The following CDH12 variants were observed in gnomAD, a reference collection of about 807,000 sequenced individuals.
CDH12 encodes cadherin 12.
In CDH12, 41 loss-of-function variants were observed where a neutral mutation model predicts 74.1. That is an observed-to-expected ratio of 0.55 (90% CI 0.43 to 0.72). CDH12 has a LOEUF of 0.72. Ranked by LOEUF, CDH12 falls within the 30% of genes least tolerant of loss-of-function variation. The pLI is 0.00. For synonymous variants in CDH12, 399 were observed against 355.0 expected, an observed-to-expected ratio of 1.12 and a Z score of -1.39; for missense variants, 945 against 977.2, an observed-to-expected ratio of 0.97 and a Z score of 0.44.
intron 5 of CDH12, among the ~76,000 whole-genome samples, chr5:22,035,577 A>C (rs1038188161): frequency 2.0e-5 from 3 of 152,120 alleles, no homozygotes; most frequent in Non-Finnish European, 2.9e-5. Context: ...TCAATTACCA[A>C]GAGAAATTTT....
rs1256794399 is a variant in CDH12, at chr5:22,138,875, T to TATATATATATATAC, written c.-186-60014_-186-60013insGTATATATATATAT. 1.0e-4 allele frequency among the ~76,000 whole-genome samples: 14 copies of TATATATATATATAC among 137,690 alleles called. 1 individual carries two copies. Among genetic ancestry groups the TATATATATATATAC allele is most frequent in the African/African-American group, 2.7e-4 (10 of 37,538 alleles). 90.3% of individuals were successfully genotyped at this position (137,690 alleles called of 152,430 possible). ...ATATATATATATATATATATATATA[T>TATATATATATATAC]ACATGTTGGACTCATCGATGTACAT... is the stretch of plus-strand genomic sequence containing the variant. On this transcript the variant is annotated intron_variant, in intron 4 of 14. Transcript: ENST00000382254.
intron 6 of CDH12, among the ~76,000 whole-genome samples, chr5:21,880,137 T>A (rs185160480): frequency 3.9e-4 from 59 of 152,316 alleles, no homozygotes; most frequent in African/African-American, 1.3e-3. Context: ...GTACTGAACC[T>A]GGGGCCACAT....
chr5:22,064,831 T>G lies in CDH12; in HGVS notation c.231+13615A>C, dbSNP rs574084777. ...CTGTCTGCCCTGAAAAAGACCCTTATGTCTTGTATTGACAGACGTGAGATT... is the reference window on the plus strand; with the variant it reads ...CTGTCTGCCCTGAAAAAGACCCTTAGGTCTTGTATTGACAGACGTGAGATT... On this transcript the variant is annotated intron_variant, in intron 5 of 14. Coordinates refer to ENST00000382254, the MANE Select transcript of CDH12 (RefSeq NM_004061.5). 8.5e-5 allele frequency among the ~76,000 whole-genome samples: 13 copies of G among 152,280 alleles called. No individual in the cohort carries two copies. In the South Asian group the frequency reaches 2.7e-3, roughly 32 times the overall value.
intron 3 of CDH12, among the ~76,000 whole-genome samples, chr5:22,291,626 A>C (rs146309663): frequency 6.6e-6 from 1 of 152,278 alleles, no homozygotes; most frequent in Non-Finnish European, 1.5e-5. Context: ...AACATGAAAT[A>C]ATTGAATTTA....
At chr5:22,373,633 T>C (rs973853261) in intron 3 of CDH12, among the ~76,000 whole-genome samples, 1 of 152,144 alleles carries the variant, frequency 6.6e-6, no homozygotes, top group African/African-American at 2.4e-5. Context: ...CAGTCTCCAC[T>C]CATAAATGCT....
At chr5:22,091,928 T>C in intron 4 of CDH12, among the ~76,000 whole-genome samples, 1 of 151,658 alleles carries the variant, frequency 6.6e-6, no homozygotes, top group Non-Finnish European at 1.5e-5. Context: ...TTGCATATGG[T>C]GGCAGTGGAG....
intron 6 of CDH12, among the ~76,000 whole-genome samples, chr5:21,920,667 T>TATTATAATAATA (rs149078574): frequency 7.6e-4 from 111 of 145,544 alleles, no homozygotes; most frequent in African/African-American, 2.6e-3. Context: ...GAACTTAAAG[T>TATTATAATAATA]ATGATAATAA....
rs192554128 is a variant in CDH12 at position 22,011,209 on chromosome 5, A to G, written c.232-35824T>C. Among the ~76,000 whole-genome samples, 527 of 152,202 alleles carry G rather than the reference A, an allele frequency of 3.5e-3. 1 individual carries two copies. Among genetic ancestry groups the G allele is most frequent in the African/African-American group, 0.012 (512 of 41,540 alleles). Reference sequence around the variant, plus strand: ...CAGCCATTTTCTCTGGATACTGGAAATTCTTCCTGTAATGAAGCCAGACCT... The same window carrying G: ...CAGCCATTTTCTCTGGATACTGGAAGTTCTTCCTGTAATGAAGCCAGACCT... On this transcript the variant is annotated intron_variant, in intron 5 of 14. Transcript: ENST00000382254.
intron 3 of CDH12, among the ~76,000 whole-genome samples, chr5:22,355,521 A>T (rs77234770): frequency 1.6e-3 from 120 of 74,128 alleles, no homozygotes; most frequent in Admixed American, 8.3e-3. Context: ...CCTTAAAAAA[A>T]AAATATATAT....
intron 1 of CDH12, among the ~76,000 whole-genome samples, chr5:22,559,514 A>C (rs560663059): frequency 6.6e-6 from 1 of 152,096 alleles, no homozygotes; most frequent in Non-Finnish European, 1.5e-5. Context: ...ATTTTGGAAG[A>C]GTGCTATGAA....
intron 4 of CDH12, among the ~76,000 whole-genome samples, chr5:22,127,883 A>T (rs1002801261): frequency 5.9e-5 from 9 of 151,986 alleles, no homozygotes; most frequent in Non-Finnish European, 1.3e-4. Context: ...TATGTGTCTG[A>T]ATATTGGTTT....
At chr5:22,063,493 T>C (rs1291887491) in intron 5 of CDH12, among the ~76,000 whole-genome samples, 1 of 152,130 alleles carries the variant, frequency 6.6e-6, no homozygotes, top group African/African-American at 2.4e-5. Context: ...ACATTGCTGA[T>C]TGGTTCTACC....
chr5:22,317,643 T>C (rs747105138), intron 3 of CDH12, among the ~76,000 whole-genome samples: 4 of 152,196 alleles, frequency 2.6e-5, no homozygotes, highest in Non-Finnish European at 5.9e-5. Flanking sequence ...AAGTTCTATA[T>C]ACATATTTTA....
At chr5:22,519,766 T>C (rs1198965483) in intron 1 of CDH12, among the ~76,000 whole-genome samples, 4 of 152,166 alleles carry the variant, frequency 2.6e-5, no homozygotes, top group African/African-American at 9.7e-5. Context: ...AGCTGAACAA[T>C]ACTGTTCAGA....
intron 1 of CDH12, among the ~76,000 whole-genome samples, chr5:22,709,132 A>G (rs1743168325): frequency 6.6e-6 from 1 of 152,232 alleles, no homozygotes; most frequent in African/African-American, 2.4e-5. Flanking sequence ...CAGGACCTGT[A>G]GGGTGACGGG....
At chr5:21,888,114 G>A (rs1353559458) in intron 6 of CDH12, among the ~76,000 whole-genome samples, 1 of 152,060 alleles carries the variant, frequency 6.6e-6, no homozygotes, top group Non-Finnish European at 1.5e-5. Flanking sequence ...TAACATGCAG[G>A]CAAAAAATTT....
chr5:22,271,490 C>T (rs557268912), intron 3 of CDH12, among the ~76,000 whole-genome samples: 1 of 152,262 alleles, frequency 6.6e-6, no homozygotes, highest in South Asian at 2.1e-4. Context: ...GATATTTTGA[C>T]CTACTTCCAA....
chr5:21,843,687 T>C (rs1357438776), intron 7 of CDH12, among the ~76,000 whole-genome samples: 1 of 152,076 alleles, frequency 6.6e-6, no homozygotes, highest in East Asian at 1.9e-4. Context: ...GCTTATTTTG[T>C]ATTTTAGTAG....
intron 1 of CDH12, among the ~76,000 whole-genome samples, chr5:22,690,505 A>G (rs528621688): frequency 6.6e-6 from 1 of 152,312 alleles, no homozygotes; most frequent in South Asian, 2.1e-4. Flanking sequence ...ATCTAAATCT[A>G]TCTTCTGGAG....
Sources: allele counts gnomAD v4.1 joint callset (sites outside exome capture counted in the v4.1 genomes callset), GRCh38; gene constraint gnomAD v4.1.1; transcripts MANE v1.5; gene names NCBI Gene and HGNC (gene_info 2026-07-23, HGNC 2026-07-21).